GUCY2C: variants seen among roughly 807,000 people sequenced by gnomAD.
The protein encoded by GUCY2C is guanylate cyclase 2C, also known as guanylyl cyclase C.
GUCY2C carries 118 observed loss-of-function variants against 131.1 expected under a neutral mutation model. The ratio of observed to expected loss-of-function variants is 0.90; its 90% CI spans 0.78 to 1.05. GUCY2C has a LOEUF of 1.05. Ranked by LOEUF, GUCY2C falls within the 50% of genes least tolerant of loss-of-function variation. The probability of loss-of-function intolerance (pLI) is 0.00; values close to 1 mark genes in which losing one functional copy is unlikely to be tolerated. For missense variants in GUCY2C, 1,161 were observed against 1,304.4 expected, an observed-to-expected ratio of 0.89 and a Z score of 1.69; for synonymous variants, 452 against 457.8, an observed-to-expected ratio of 0.99 and a Z score of 0.16.
At chr12:14,649,998 A>C (rs1947609471) in intron 15 of GUCY2C, among the ~76,000 whole-genome samples, 1 of 152,174 alleles carries the variant, frequency 6.6e-6, no homozygotes, top group Non-Finnish European at 1.5e-5. Context: ...TTCTTTCACA[A>C]TTAAAACATC....
intron 11 of GUCY2C, 109 bp downstream of exon 11, chr12:14,660,872 G>T (rs1399297047): frequency 4.0e-6 from 3 of 742,586 alleles, no homozygotes; most frequent in African/African-American, 1.7e-5. Flanking sequence ...AGGTCAGTCT[G>T]CAGGCTTCTT....
intron 16 of GUCY2C, among the ~76,000 whole-genome samples, chr12:14,644,249 C>T (rs1272384507): frequency 6.6e-6 from 1 of 152,062 alleles, no homozygotes; most frequent in Non-Finnish European, 1.5e-5. Context: ...TTTGGGAGGC[C>T]GAGCTACTCA....
At chr12:14,662,222 G>A (rs1324556798) in intron 10 of GUCY2C, among the ~76,000 whole-genome samples, 2 of 152,096 alleles carry the variant, frequency 1.3e-5, no homozygotes, top group African/African-American at 4.8e-5. Context: ...GGAAAGAAAA[G>A]AGAAATCCAA....
intron 13 of GUCY2C, 34 bp from the exon 14 acceptor site, chr12:14,652,064 T>G: frequency 1.6e-6 from 2 of 1,253,050 alleles, no homozygotes; most frequent in Non-Finnish European, 2.3e-6. Context: ...GAGACAGTGT[T>G]GTGGTGTAAC....
intron 10 of GUCY2C, among the ~76,000 whole-genome samples, chr12:14,663,435 C>G (rs1401508156): frequency 6.6e-6 from 1 of 152,214 alleles, no homozygotes; most frequent in Non-Finnish European, 1.5e-5. Flanking sequence ...GCGCACGCCA[C>G]CATGTCCAGC....
intron 12 of GUCY2C, among the ~76,000 whole-genome samples, chr12:14,655,862 T>C (rs1368334313): frequency 6.6e-6 from 1 of 152,218 alleles, no homozygotes; most frequent in Non-Finnish European, 1.5e-5. Flanking sequence ...TGGTGCATTA[T>C]AAGTGCTCAG....
At chr12:14,686,487 A>G (rs1948473273) in intron 2 of GUCY2C, among the ~76,000 whole-genome samples, 1 of 152,158 alleles carries the variant, frequency 6.6e-6, no homozygotes, top group Middle Eastern at 3.2e-3. Flanking sequence ...TTCCTTCTCA[A>G]TGCAGGATGG....
rs377386928 is a variant in GUCY2C, at chr12:14,679,770, G to C, written c.734-17C>G. The stretch of plus-strand genomic sequence containing the variant: ...TAATAATCACTGGAGGAGAAGGTAA[G>C]ACAAGGAGAGAAATATATGACAGTC... On this transcript the variant is annotated splice_polypyrimidine_tract_variant and intron_variant, in intron 5 of 26. Transcript: ENST00000261170. 4 of 1,279,780 alleles carry C rather than the reference G, an allele frequency of 3.1e-6. No individual in the cohort carries two copies. Among genetic ancestry groups the C allele is most frequent in the Non-Finnish European group, 4.6e-6 (4 of 875,356 alleles). 79.3% of individuals were successfully genotyped at this position (1,279,780 alleles called of 1,614,324 possible). A position where few individuals can be genotyped will look rare whatever the true frequency, so the allele number is the denominator to read the frequency against.
intron 24 of GUCY2C, among the ~76,000 whole-genome samples, chr12:14,617,391 T>C (rs1420605894): frequency 6.6e-6 from 1 of 152,188 alleles, no homozygotes; most frequent in Non-Finnish European, 1.5e-5. Flanking sequence ...TTTTTCTCCA[T>C]AGATTCTCAT....
chr12:14,616,836 G>T, intron 24 of GUCY2C, 109 bp from the exon 25 acceptor site: 1 of 721,274 alleles, frequency 1.4e-6, no homozygotes. Flanking sequence ...AAATCAAGAA[G>T]AAACAATTGT....
chr12:14,646,607 G>T (rs902704328), intron 15 of GUCY2C, among the ~76,000 whole-genome samples: 7 of 152,078 alleles, frequency 4.6e-5, no homozygotes, highest in African/African-American at 1.7e-4. Context: ...TAAAATTATT[G>T]CTAATTGCAC....
chr12:14,626,037 A>G, intron 20 of GUCY2C, 122 bp from the exon 21 acceptor site: 4 of 674,766 alleles, frequency 5.9e-6, no homozygotes, highest in Non-Finnish European at 9.9e-6. Context: ...GCCAACAAAC[A>G]TAACAAAAAA....
intron 19 of GUCY2C, among the ~76,000 whole-genome samples, chr12:14,636,791 A>G (rs189918626): frequency 6.6e-6 from 1 of 152,274 alleles, no homozygotes; most frequent in Non-Finnish European, 1.5e-5. Flanking sequence ...GTTGAAGGAT[A>G]TAAAATTAAC....
chr12:14,680,128 G>A (rs1225607216), intron 5 of GUCY2C, among the ~76,000 whole-genome samples: 2 of 152,058 alleles, frequency 1.3e-5, no homozygotes, highest in Non-Finnish European at 2.9e-5. Flanking sequence ...TCATAGATAA[G>A]TGAAGTATAC....
chr12:14,620,973 C>T lies in GUCY2C; in HGVS notation c.2776+69G>A, dbSNP rs907290716. The T allele has an allele frequency of 1.7e-5, 21 of 1,248,438 alleles. No individual in the cohort carries two copies. In the Admixed American group the frequency reaches 3.8e-4, roughly 23 times the overall value. The allele number at this position is 1,248,438 out of a possible 1,614,324, so 77.3% of individuals were successfully genotyped here. Reference sequence around the variant, plus strand: ...TCGATCACACTTGAAGACCTTTTATCCTTTCTGATTTAGTTGGTGCACAGC... The same window carrying T: ...TCGATCACACTTGAAGACCTTTTATTCTTTCTGATTTAGTTGGTGCACAGC... On this transcript the variant is annotated intron_variant, in intron 23 of 26. Transcript: ENST00000261170.
At chr12:14,684,611 TCCTTCCTTCC>T (rs1565635542) in intron 3 of GUCY2C, among the ~76,000 whole-genome samples, 83 of 5,118 alleles carry the variant, frequency 0.016, no homozygotes, top group African/African-American at 0.025. Flanking sequence ...CTTCCTTCCT[TCCTTCCTTCC>T]TTCCTTCCTT....
chr12:14,656,752 C>T (rs1440897371), intron 11 of GUCY2C, 135 bp from the exon 12 acceptor site: 1 of 499,416 alleles, frequency 2.0e-6, no homozygotes, highest in African/African-American at 1.9e-5. Flanking sequence ...AATGACAGAA[C>T]ACCATGTCCT....
At chr12:14,619,883 A>G (rs1181390814) in intron 23 of GUCY2C, 1 of 152,612 alleles carries the variant, frequency 6.6e-6, no homozygotes, top group African/African-American at 2.4e-5. Flanking sequence ...GCAGAACAAA[A>G]GCCCAGGCTA....
chr12:14,671,433 C>T (rs894782496), intron 9 of GUCY2C, among the ~76,000 whole-genome samples: 2 of 152,126 alleles, frequency 1.3e-5, no homozygotes, highest in Non-Finnish European at 2.9e-5. Context: ...CCACTGCACC[C>T]TGCCCAATGT....
Sources: gnomAD v4.1 joint callset for allele counts (sites outside exome capture counted in the v4.1 genomes callset) on GRCh38, gnomAD v4.1.1 for gene constraint, MANE v1.5 for transcripts, NCBI Gene and HGNC (gene_info 2026-07-23, HGNC 2026-07-21) for gene names.